Variants in PTPN3 observed in about 807,000 individuals in gnomAD.
The protein encoded by PTPN3 is protein tyrosine phosphatase non-receptor type 3.
PTPN3 carries 96 observed loss-of-function variants against 132.7 expected under a neutral mutation model. The observed-to-expected ratio is 0.72, with a 90% CI of 0.61 to 0.86. PTPN3 has a LOEUF of 0.86. PTPN3 is among the 40% of genes least tolerant of loss of function. The pLI, the probability that PTPN3 is intolerant of heterozygous loss-of-function variation, is 0.00. For synonymous variants in PTPN3, 398 were observed against 429.0 expected (o/e 0.93, Z 0.89); for missense variants, 1,125 against 1,159.6 (o/e 0.97, Z 0.43).
At chr9:109,439,037 T>C (rs2131941867) in intron 7 of PTPN3, among the ~76,000 whole-genome samples, 1 of 152,262 alleles carries the variant, frequency 6.6e-6, no homozygotes, top group South Asian at 2.1e-4. Context: ...CCTTGACTGT[T>C]GTCTGCCAAT....
intron 1 of PTPN3, among the ~76,000 whole-genome samples, chr9:109,480,915 G>A (rs1846928602): frequency 6.6e-6 from 1 of 152,138 alleles, no homozygotes; most frequent in Non-Finnish European, 1.5e-5. Flanking sequence ...TGGATGGATG[G>A]ATGGATGGAT....
In PTPN3 at chr9:109,394,911, G is replaced by A. The variant is rs146595723; in HGVS notation, c.1954-3350C>T. Among the ~76,000 whole-genome samples the A allele has an allele frequency of 8.1e-3, 1,231 of 152,106 alleles. 29 individuals carry two copies. The highest frequency in any genetic ancestry group is 0.058 in the East Asian group (299 of 5,164). On this transcript the variant is annotated intron_variant, in intron 19 of 25. Transcript: ENST00000374541. The stretch of plus-strand genomic sequence containing the variant: ...TCCCAGCACTTTGGGAGGCTGAGGC[G>A]GGCAGATCACGAGGTCAGGAGATTG...
chr9:109,450,220 A>T, intron 5 of PTPN3: 1 of 985,344 alleles, frequency 1.0e-6, no homozygotes. Flanking sequence ...GAGACAGTAT[A>T]ACATACATTT....
intron 1 of PTPN3, among the ~76,000 whole-genome samples, chr9:109,485,226 G>C (rs183550201): frequency 1.3e-5 from 2 of 152,140 alleles, no homozygotes; most frequent in Non-Finnish European, 2.9e-5. Flanking sequence ...ATAAAAAGTC[G>C]GCCGGGCGCG....
At chr9:109,510,403 A>G in the PTPN3 span, among the ~76,000 whole-genome samples, 1 of 151,588 alleles carries the variant, frequency 6.6e-6, no homozygotes, top group East Asian at 2.0e-4. Context: ...TACTAAAACT[A>G]CAAAATTAGC....
intron 1 of PTPN3, among the ~76,000 whole-genome samples, chr9:109,485,656 G>A (rs1310861230): frequency 2.0e-5 from 3 of 152,110 alleles, no homozygotes; most frequent in South Asian, 2.1e-4. Flanking sequence ...CTTTCCTGAC[G>A]GAATCATCAG....
At chr9:109,429,043 G>A (rs1418461231) in intron 10 of PTPN3, 2 of 985,306 alleles carry the variant, frequency 2.0e-6, no homozygotes, top group Admixed American at 6.2e-5. Context: ...AGCTGAAAGA[G>A]GACAGACCTG....
the PTPN3 span, among the ~76,000 whole-genome samples, chr9:109,514,186 C>A: frequency 6.6e-6 from 1 of 152,218 alleles, no homozygotes; most frequent in African/African-American, 2.4e-5. Context: ...TTGTCTCTCA[C>A]TGGGGCTCTT....
chr9:109,387,361 T>A (rs1195850048), intron 22 of PTPN3, among the ~76,000 whole-genome samples: 1 of 152,182 alleles, frequency 6.6e-6, no homozygotes, highest in Non-Finnish European at 1.5e-5. Flanking sequence ...GTTTAACAGA[T>A]AACAAGAGCA....
chr9:109,381,572 C>T (rs1839089026), intron 25 of PTPN3, 80 bp downstream of exon 25: 1 of 1,555,406 alleles, frequency 6.4e-7, no homozygotes, highest in African/African-American at 1.4e-5. Flanking sequence ...TCTGTTGACT[C>T]ACAAAGCCCT....
At chr9:109,527,352 T>C in the PTPN3 span, among the ~76,000 whole-genome samples, 2 of 152,154 alleles carry the variant, frequency 1.3e-5, no homozygotes, top group Non-Finnish European at 2.9e-5. Context: ...TCCCGGCTAC[T>C]TGGGAGGCTG....
At chr9:109,409,939 A>G in intron 16 of PTPN3, 60 bp downstream of exon 16, 3 of 1,583,168 alleles carry the variant, frequency 1.9e-6, no homozygotes, top group East Asian at 4.6e-5. Context: ...AATGCAAATT[A>G]AAAACTCATT....
At chr9:109,439,594 G>A (rs1844307897) in intron 7 of PTPN3, among the ~76,000 whole-genome samples, 1 of 152,190 alleles carries the variant, frequency 6.6e-6, no homozygotes, top group Non-Finnish European at 1.5e-5. Flanking sequence ...AGCTGCTTGG[G>A]TGAATTTCAC....
intron 25 of PTPN3, 50 bp downstream of exon 25, chr9:109,381,602 G>A (rs191787836): frequency 6.9e-6 from 11 of 1,603,288 alleles, no homozygotes; most frequent in African/African-American, 1.3e-5. Context: ...CCTGCCTGGT[G>A]TAAGTGCTCA....
At chr9:109,537,269 T>C in the PTPN3 span, among the ~76,000 whole-genome samples, 1,525 of 152,352 alleles carry the variant, frequency 0.01, 14 homozygotes, top group Middle Eastern at 0.017. Context: ...TAAAAAATTA[T>C]AGTGACTAGT....
At chr9:109,537,114 C>G in the PTPN3 span, among the ~76,000 whole-genome samples, 1 of 152,116 alleles carries the variant, frequency 6.6e-6, no homozygotes, top group East Asian at 1.9e-4. Context: ...CATCAATAGC[C>G]TACAAAGCCT....
chr9:109,408,796 A>AAAAAATATATAT (rs1377996219), intron 16 of PTPN3, among the ~76,000 whole-genome samples: 1 of 108,374 alleles, frequency 9.2e-6, no homozygotes, highest in African/African-American at 3.7e-5. Context: ...AAAAAAAAAA[A>AAAAAATATATAT]ATATATATAT....
At chr9:109,413,920 TC>T (rs1471457086) in intron 14 of PTPN3, among the ~76,000 whole-genome samples, 2 of 151,938 alleles carry the variant, frequency 1.3e-5, no homozygotes, top group Non-Finnish European at 2.9e-5. Flanking sequence ...ATTAAAGACC[TC>T]CCCGCCCCGC....
In PTPN3 at chr9:109,389,317, AT is replaced by A; in HGVS notation, c.2168del (p.His723LeufsTer21). The A allele has an allele frequency of 6.2e-7, 1 of 1,614,206 alleles. No individual in the cohort carries two copies. Among genetic ancestry groups the A allele is most frequent in the Non-Finnish European group, 8.5e-7 (1 of 1,179,992 alleles). On this transcript the variant is annotated frameshift_variant, in exon 22 of 26. Coordinates refer to ENST00000374541, the MANE Select transcript of PTPN3 (RefSeq NM_002829.4). LOFTEE classifies it high-confidence loss of function. ...KYIATQGPLP[H>X]TCAQFWQVVW... ...CAACCTGCCAAAACTGTGCACAGGT[AT>A]GCGGCAGGGGCCCCTGAGTGGCGAT...
Sources: gnomAD v4.1 joint callset for allele counts (sites outside exome capture counted in the v4.1 genomes callset) on GRCh38, gnomAD v4.1.1 for gene constraint, MANE v1.5 for transcripts, NCBI Gene and HGNC (gene_info 2026-07-23, HGNC 2026-07-21) for gene names.